RBFOX1: variants seen among roughly 807,000 people sequenced by gnomAD.
The protein encoded by RBFOX1 is RNA binding protein fox-1 homolog 1.
RBFOX1 carries 8 observed loss-of-function variants against 57.7 expected under a neutral mutation model. The ratio of observed to expected loss-of-function variants is 0.14; its 90% CI spans 0.08 to 0.25. RBFOX1 has a LOEUF of 0.25. Ranked by LOEUF, RBFOX1 falls within the 10% of genes least tolerant of loss-of-function variation. The pLI is 1.00. For synonymous variants in RBFOX1, 326 were observed against 222.4 expected (o/e 1.47, Z -4.15); for missense variants, 611 against 548.5 (o/e 1.11, Z -1.14).
intron 2 of RBFOX1, among the ~76,000 whole-genome samples, chr16:6,514,386 G>A (rs936854699): frequency 3.3e-5 from 5 of 152,218 alleles, no homozygotes; most frequent in Admixed American, 6.5e-5. Context: ...AGATTCAGTC[G>A]ACTTTCTTTT....
intron 1 of RBFOX1, among the ~76,000 whole-genome samples, chr16:6,222,498 A>G (rs910330275): frequency 5.3e-5 from 8 of 151,738 alleles, no homozygotes; most frequent in African/African-American, 1.9e-4. Flanking sequence ...GAATGTCAGG[A>G]GGATTGCAGA....
At chr16:5,939,708 A>T in intron 4 of RBFOX1, among the ~76,000 whole-genome samples, 1 of 152,212 alleles carries the variant, frequency 6.6e-6, no homozygotes, top group East Asian at 1.9e-4. Flanking sequence ...TTTTAAAAAA[A>T]AAAGTGTCAG....
At chr16:7,052,012 T>C in intron 3 of RBFOX1, 45 bp from the exon 4 acceptor site, 3 of 1,589,654 alleles carry the variant, frequency 1.9e-6, no homozygotes, top group Non-Finnish European at 1.7e-6. Context: ...GTTTTTCTGA[T>C]CCGGAGCCTT....
At chr16:7,398,862 G>A (rs111858021) in intron 4 of RBFOX1, among the ~76,000 whole-genome samples, 3,950 of 152,250 alleles carry the variant, frequency 0.026, 120 homozygotes, top group African/African-American at 0.069. Context: ...GTACTAAAGT[G>A]GGGCTAGAGG....
At position 5,954,686 on chromosome 16, in the gene RBFOX1, G is replaced by A. The variant is rs185232621; in HGVS notation, c.351+87351G>A. Among the ~76,000 whole-genome samples, 106 of 152,094 alleles carry A rather than the reference G, an allele frequency of 7.0e-4. 1 individual carries two copies. The highest frequency in any genetic ancestry group is 2.4e-3 in the Admixed American group (36 of 15,284). ...AGTCAGTAATCACCCCTTAACTCTC[G>A]GCAAGCATCTGATCGTGTGCGCCGT... On this transcript the variant is annotated intron_variant, in intron 4 of 19. Coordinates refer to the RBFOX1 transcript ENST00000641259.
chr16:6,817,434 C>G (rs905371144), intron 3 of RBFOX1, among the ~76,000 whole-genome samples: 1 of 151,442 alleles, frequency 6.6e-6, no homozygotes, highest in Non-Finnish European at 1.5e-5. Context: ...TGGCTCATGC[C>G]TGTAATCCCA....
chr16:5,757,973 G>A (rs980433775), intron 3 of RBFOX1, among the ~76,000 whole-genome samples: 6 of 152,080 alleles, frequency 3.9e-5, no homozygotes, highest in South Asian at 2.1e-4. Flanking sequence ...GTTCTGTACT[G>A]GTCAGCCATC....
chr16:7,313,121 A>T (rs11866757), intron 4 of RBFOX1, among the ~76,000 whole-genome samples: 119,594 of 151,990 alleles, frequency 0.79, 47,157 homozygotes, highest in East Asian at 0.94. Flanking sequence ...CATCCGGGCC[A>T]CTCCTGGAAT....
At chr16:7,550,848 C>G (rs1286855678) in intron 5 of RBFOX1, among the ~76,000 whole-genome samples, 5 of 152,182 alleles carry the variant, frequency 3.3e-5, no homozygotes, top group Non-Finnish European at 7.4e-5. Flanking sequence ...AATCCGAACG[C>G]TTTGAGAGGC....
At chr16:7,029,340 G>C (rs74008514) in intron 3 of RBFOX1, among the ~76,000 whole-genome samples, 12 of 149,394 alleles carry the variant, frequency 8.0e-5, no homozygotes, top group African/African-American at 2.9e-4. Context: ...AGCCAGAAGA[G>C]ATTGGAAAGC....
At chr16:6,982,038 T>G (rs1203566230) in intron 3 of RBFOX1, among the ~76,000 whole-genome samples, 17 of 152,212 alleles carry the variant, frequency 1.1e-4, no homozygotes, top group Admixed American at 2.0e-4. Flanking sequence ...CTTACAAATT[T>G]ATGTAAAATT....
intron 3 of RBFOX1, among the ~76,000 whole-genome samples, chr16:6,797,402 G>C (rs990250638): frequency 3.3e-5 from 5 of 152,120 alleles, no homozygotes; most frequent in African/African-American, 1.2e-4. Context: ...GAGAGCGAGA[G>C]AAAGGGGGAG....
At position 7,037,606 on chromosome 16, in the gene RBFOX1, A is replaced by T. The variant is rs533113939; in HGVS notation, c.-15-14451A>T. 9.8e-5 allele frequency among the ~76,000 whole-genome samples: 15 copies of T among 152,340 alleles called. No individual in the cohort carries two copies. In the East Asian group the frequency reaches 2.9e-3, roughly 29 times the overall value. Reference sequence around the variant, plus strand: ...TTCAGTTTACTTTCTTGTAGTGAAAAGGCACGTTATATAGTGCTTTCCGTG... The same window carrying T: ...TTCAGTTTACTTTCTTGTAGTGAAATGGCACGTTATATAGTGCTTTCCGTG... On this transcript the variant is annotated intron_variant, in intron 3 of 15. Transcript: ENST00000550418.
At chr16:7,417,239 G>A (rs1356461273) in intron 4 of RBFOX1, among the ~76,000 whole-genome samples, 1 of 151,800 alleles carries the variant, frequency 6.6e-6, no homozygotes, top group Admixed American at 6.6e-5. Context: ...TGGGCGTGGT[G>A]GTGTGTGCCT....
At chr16:6,194,670 C>G (rs756909793) in intron 1 of RBFOX1, among the ~76,000 whole-genome samples, 22 of 152,162 alleles carry the variant, frequency 1.4e-4, no homozygotes, top group Non-Finnish European at 3.2e-4. Flanking sequence ...GCCACTGGCT[C>G]TTTGTCTCAT....
chr16:7,190,546 G>C (rs539442049), intron 4 of RBFOX1, among the ~76,000 whole-genome samples: 5 of 151,794 alleles, frequency 3.3e-5, no homozygotes, highest in African/African-American at 1.2e-4. Flanking sequence ...GAGCTGGAGA[G>C]TGACCTAAGT....
intron 4 of RBFOX1, among the ~76,000 whole-genome samples, chr16:7,088,289 G>A (rs1157946858): frequency 6.6e-6 from 1 of 152,168 alleles, no homozygotes; most frequent in Non-Finnish European, 1.5e-5. Context: ...TACCAAGAAT[G>A]AACTGCTCTG....
chr16:6,053,658 A>G (rs2095579934), intron 1 of RBFOX1, among the ~76,000 whole-genome samples: 1 of 152,134 alleles, frequency 6.6e-6, no homozygotes, highest in African/African-American at 2.4e-5. Context: ...TAAATAAAAC[A>G]TTTTTCTGCT....
chr16:6,795,385 A>C (rs2154251917), intron 3 of RBFOX1, among the ~76,000 whole-genome samples: 1 of 152,294 alleles, frequency 6.6e-6, no homozygotes, highest in South Asian at 2.1e-4. Flanking sequence ...TAAGAAGAAA[A>C]AAAATCAGCT....
Sources: allele counts gnomAD v4.1 joint callset (sites outside exome capture counted in the v4.1 genomes callset), GRCh38; gene constraint gnomAD v4.1.1; transcripts MANE v1.5; gene names NCBI Gene and HGNC (gene_info 2026-07-23, HGNC 2026-07-21).